Variants in PROM2 observed in about 807,000 individuals in gnomAD.
The protein encoded by PROM2 is prominin 2.
In PROM2, 90 loss-of-function variants were observed where a neutral mutation model predicts 110.2. The ratio of observed to expected loss-of-function variants is 0.82; its 90% CI spans 0.69 to 0.97. The LOEUF is 0.97. Ranked by LOEUF, PROM2 falls within the 50% of genes least tolerant of loss-of-function variation. PROM2 has a pLI of 0.00. For missense variants in PROM2, 1,009 were observed against 1,074.8 expected (o/e 0.94, Z 0.86); for synonymous variants, 470 against 467.8 (o/e 1.00, Z -0.06).
At chr2:95,277,209 C>T (rs1676722893) in intron 6 of PROM2, 148 bp downstream of exon 6, 4 of 1,119,790 alleles carry the variant, frequency 3.6e-6, no homozygotes, top group Admixed American at 5.1e-5. Context: ...CAGCCCCCCT[C>T]CCCTGGCTTA....
chr2:95,287,133 C>A lies in PROM2; in HGVS notation c.2095C>A (p.Leu699Met). Residue 699 changes from leucine (L) to methionine (M), a missense_variant and splice_region_variant, in exon 19 of 24, where the codon CTG becomes ATG. Leu to Met is a conservative substitution (Grantham distance 15). Coordinates refer to ENST00000317620, the MANE Select transcript of PROM2 (RefSeq NM_001165978.3). ...GAGTTGAGGCTCTCGTCCCCTCCAGCTGGAGACCTCAGATGTCCTAGCCAA... is the reference window on the plus strand; with the variant it reads ...GAGTTGAGGCTCTCGTCCCCTCCAGATGGAGACCTCAGATGTCCTAGCCAA... Reference protein sequence around the residue: ...ALESSAPNLQLETSDVLANVT... With the variant: ...ALESSAPNLQMETSDVLANVT... 6.2e-7 allele frequency: 1 copy of A among 1,613,794 alleles called. No individual in the cohort carries two copies. The highest frequency in any genetic ancestry group is 1.1e-5 in the South Asian group (1 of 91,062).
At position 95,276,862 on chromosome 2, in the gene PROM2, C is replaced by A; in HGVS notation, c.683-110C>A. On this transcript the variant is annotated intron_variant, in intron 5 of 23. Transcript: ENST00000317620. The surrounding 1 kb of genome is among the most constrained non-coding windows in gnomAD (Gnocchi z 4.6). ...GTGTCCCCGCTCCTTCACTCCCCTC[C>A]ACCCCCCGGCTCCTGCAGAGCCCGG... 1 of 1,244,760 alleles carries A rather than the reference C, an allele frequency of 8.0e-7. No homozygotes were observed. The highest frequency in any genetic ancestry group is 1.1e-6 in the Non-Finnish European group (1 of 879,114). The allele number at this position is 1,244,760 out of a possible 1,614,324, so 77.1% of individuals were successfully genotyped here.
At chr2:95,281,027 G>T (rs1359760791) in intron 11 of PROM2, among the ~76,000 whole-genome samples, 1 of 152,222 alleles carries the variant, frequency 6.6e-6, no homozygotes, top group African/African-American at 2.4e-5. Context: ...CAGGAACAGG[G>T]TGGGGATGAG....
Position 95,288,971 on chromosome 2 carries a change from C to T in PROM2, c.2480C>T (p.Pro827Leu). The T allele has an allele frequency of 6.2e-7, 1 of 1,614,154 alleles. No homozygotes were observed. Among genetic ancestry groups the T allele is most frequent in the Non-Finnish European group, 8.5e-7 (1 of 1,179,994 alleles). The change falls in exon 23 of 24, where the codon CCC becomes CTC. Residue 827 changes from proline to leucine, a missense_variant. Transcript: ENST00000317620. Reference sequence around the variant, plus strand: ...GAGGAGACTCAGCTCTTCCACATCCCCCGGGTTACCTCCCTGAAGCTGTAG... The same window carrying T: ...GAGGAGACTCAGCTCTTCCACATCCTCCGGGTTACCTCCCTGAAGCTGTAG... Reference protein sequence around the residue: ...SSEETQLFHIPRVTSLKL With the variant: ...SSEETQLFHILRVTSLKL
intron 14 of PROM2, 37 bp from the exon 15 acceptor site, chr2:95,284,932 A>T: frequency 6.3e-7 from 1 of 1,591,554 alleles, no homozygotes; most frequent in Non-Finnish European, 8.6e-7. Flanking sequence ...TGGCTCAGCA[A>T]CTGGGCATGA....
chr2:95,277,958 A>G lies in PROM2; in HGVS notation c.1004A>G (p.Gln335Arg), dbSNP rs1676773613. 7.4e-6 allele frequency: 12 copies of G among 1,612,572 alleles called. No homozygotes were observed. The East Asian group carries it at 2.7e-4, about 36-fold the overall frequency. ...QVPSVDHVLHQLKGVPEANFS... is the reference protein window; with the variant it reads ...QVPSVDHVLHRLKGVPEANFS... The stretch of plus-strand genomic sequence containing the variant: ...CCCTCTGTGGACCATGTCCTGCACC[A>G]GCTAAAAGGTGTCCCCGAGGCCAAC... Residue 335 changes from glutamine to arginine, a missense_variant, in exon 8 of 24, where the codon CAG becomes CGG. Gln to Arg is a conservative substitution (Grantham distance 43). Coordinates refer to ENST00000317620, the MANE Select transcript of PROM2 (RefSeq NM_001165978.3).
In PROM2 at chr2:95,285,123, G is replaced by A. The variant is rs186865629; in HGVS notation, c.1875+8G>A. 5 of 1,555,150 alleles carry A rather than the reference G, an allele frequency of 3.2e-6. No homozygotes were observed. The highest frequency in any genetic ancestry group is 1.4e-5 in the African/African-American group (1 of 73,716). On this transcript the variant is annotated splice_region_variant and intron_variant, in intron 15 of 23. Transcript: ENST00000317620. ...CCCGACTTCCTCGTTCAGGTCAGCG[G>A]TGGGCACCTCAGCAGGGCTTCCTCA...
chr2:95,285,843 C>T, intron 16 of PROM2, 133 bp downstream of exon 16: 1 of 808,722 alleles, frequency 1.2e-6, no homozygotes, highest in South Asian at 1.7e-5. Flanking sequence ...GGCTCCTGAC[C>T]CCTGGCTGGG....
rs2104165899 is a variant in PROM2, at chr2:95,290,687, A to T, written c.*1474A>T. 1 of 152,262 alleles carries T rather than the reference A, an allele frequency of 6.6e-6. No individual in the cohort carries two copies. Among genetic ancestry groups the T allele is most frequent in the Non-Finnish European group, 1.5e-5 (1 of 68,032 alleles). 9.4% of individuals were successfully genotyped at this position (152,262 alleles called of 1,614,324 possible). On this transcript the variant is annotated 3_prime_UTR_variant, in exon 24 of 24. Coordinates refer to ENST00000317620, the MANE Select transcript of PROM2 (RefSeq NM_001165978.3). ...CAGTGGATGGAAGCTGCCTATTATT[A>T]TTGTCGTTGTTGTTGTTTGCCATGA...
rs1231275933 is a variant in PROM2, at chr2:95,285,062, G to A, written c.1822G>A (p.Ala608Thr). 3 of 1,595,326 alleles carry A rather than the reference G, an allele frequency of 1.9e-6. No homozygotes were observed. Among genetic ancestry groups the A allele is most frequent in the South Asian group, 1.1e-5 (1 of 88,132 alleles). The change falls in exon 15 of 24, where the codon GCC becomes ACC. Residue 608 changes from alanine to threonine, a missense_variant. Transcript: ENST00000317620. ...LSSAARRDLE[A>T]LQSSGLQRIH... ...CTCAGCCGCCCGCCGGGACCTGGAG[G>A]CCCTGCAGAGCAGTGGGCTTCAGCG...
chr2:95,285,100 C>T lies in PROM2; in HGVS notation c.1860C>T (p.Pro620=), dbSNP rs770854845. ...GTGGGCTTCAGCGCATCCACTACCC[C>T]GACTTCCTCGTTCAGGTCAGCGGTG... ...QSSGLQRIHY[P]DFLVQIQRPV... The change falls in exon 15 of 24, where the codon CCC becomes CCT. Residue 620 remains proline, a synonymous_variant. Transcript: ENST00000317620. The T allele has an allele frequency of 3.9e-5, 62 of 1,579,256 alleles. 1 individual carries two copies. Among genetic ancestry groups the T allele is most frequent in the Admixed American group, 3.4e-4 (19 of 55,652 alleles).
At chr2:95,286,372 C>A in intron 16 of PROM2, 107 bp from the exon 17 acceptor site, 1 of 946,502 alleles carries the variant, frequency 1.1e-6, no homozygotes, top group African/African-American at 1.6e-5. Flanking sequence ...CAGTTTTCTG[C>A]CTCTGAGCCC....
rs1197844700 is a variant in PROM2 at position 95,274,908 on chromosome 2, A to G, written c.244+79A>G. The G allele has an allele frequency of 2.8e-6, 4 of 1,451,628 alleles. No individual in the cohort carries two copies. The Admixed American group carries it at 9.5e-5, about 34-fold the overall frequency. 89.9% of individuals were successfully genotyped at this position (1,451,628 alleles called of 1,614,324 possible). ...TTCCTCTGTCCCACTCTACCATGGG[A>G]TGTGCCCAACCTACAAGCAGGCACT... is the stretch of plus-strand genomic sequence containing the variant. On this transcript the variant is annotated intron_variant, in intron 1 of 23. Coordinates refer to ENST00000317620, the MANE Select transcript of PROM2 (RefSeq NM_001165978.3).
chr2:95,287,715 C>T (rs1476539608), intron 20 of PROM2, among the ~76,000 whole-genome samples: 1 of 152,210 alleles, frequency 6.6e-6, no homozygotes, highest in Non-Finnish European at 1.5e-5. Context: ...TTCATCACAC[C>T]TGGCCTGCAG....
Position 95,281,281 on chromosome 2 carries a change from C to T in PROM2, c.1467C>T (p.Ile489=). ...GCTTCCTCTTTGCTGCACCCCTCATCCTCCTGGTGTTCGCCACCTTCCTGG... is the reference window on the plus strand; with the variant it reads ...GCTTCCTCTTTGCTGCACCCCTCATTCTCCTGGTGTTCGCCACCTTCCTGG... The part of the protein sequence containing the change: ...GLSFLFAAPL[I]LLVFATFLVG... Residue 489 remains isoleucine (I), a synonymous_variant, in exon 12 of 24, where the codon ATC becomes ATT. Transcript: ENST00000317620. The T allele has an allele frequency of 6.2e-7, 1 of 1,613,204 alleles. No homozygotes were observed. The highest frequency in any genetic ancestry group is 8.5e-7 in the Non-Finnish European group (1 of 1,179,874).
intron 22 of PROM2, 151 bp from the exon 23 acceptor site, chr2:95,288,782 G>A: frequency 3.2e-5 from 28 of 869,812 alleles, no homozygotes; most frequent in Non-Finnish European, 5.1e-5. Flanking sequence ...TACCCTTCTT[G>A]CTGCATCCAT....
chr2:95,277,597 C>T (rs1424807172), intron 7 of PROM2, 31 bp downstream of exon 7: 4 of 1,506,326 alleles, frequency 2.7e-6, no homozygotes, highest in Admixed American at 2.2e-5. Context: ...CCTCTTAAAG[C>T]CACGGAGGGC....
rs1441042564 is a variant in PROM2, at chr2:95,285,729, C to G, written c.1947+19C>G. On this transcript the variant is annotated intron_variant, in intron 16 of 23. Transcript: ENST00000317620. ...GGCCCAAGTGAGTGGGAAACAGGGC[C>G]CCGACTGGGCAGCAGGAGCCACAGG... 1 of 1,580,658 alleles carries G rather than the reference C, an allele frequency of 6.3e-7. No homozygotes were observed. The highest frequency in any genetic ancestry group is 1.3e-5 in the African/African-American group (1 of 74,192).
chr2:95,278,107 C>T lies in PROM2; in HGVS notation c.1050+103C>T. 5 of 951,628 alleles carry T rather than the reference C, an allele frequency of 5.3e-6. No homozygotes were observed. In the South Asian group the frequency reaches 7.3e-5, roughly 14 times the overall value. 58.9% of individuals were successfully genotyped at this position (951,628 alleles called of 1,614,324 possible). A position where few individuals can be genotyped will look rare whatever the true frequency, so the allele number is the denominator to read the frequency against. On this transcript the variant is annotated intron_variant, in intron 8 of 23. Transcript: ENST00000317620. ...CCCAGTTGAACCTAATATTTGGGGT[C>T]CCACCCACCACACAGCACCCTGGGC...
Sources: allele counts gnomAD v4.1 joint callset (sites outside exome capture counted in the v4.1 genomes callset), GRCh38; gene constraint gnomAD v4.1.1; non-coding constraint Gnocchi (gnomAD v3.1); transcripts MANE v1.5; gene names NCBI Gene and HGNC (gene_info 2026-07-23, HGNC 2026-07-21).